The following AP2B1 variants were observed in gnomAD, a reference collection of about 807,000 sequenced individuals.
AP2B1 encodes the protein adaptor related protein complex 2 subunit beta 1.
In AP2B1, 23 loss-of-function variants were observed where a neutral mutation model predicts 102.0. The ratio of observed to expected loss-of-function variants is 0.23; its 90% CI spans 0.16 to 0.32. The LOEUF (loss-of-function observed/expected upper bound fraction) is 0.32, where lower values mean the gene tolerates loss of function less well. Among genes scored for constraint, AP2B1 ranks in the 10% least tolerant of loss-of-function variants. The pLI is 1.00. For synonymous variants in AP2B1, 381 were observed against 421.2 expected (o/e 0.90, Z 1.17); for missense variants, 541 against 1,157.4 (o/e 0.47, Z 7.73).
intron 13 of AP2B1, among the ~76,000 whole-genome samples, chr17:35,653,658 T>C (rs2142848968): frequency 6.6e-6 from 1 of 152,222 alleles, no homozygotes; most frequent in African/African-American, 2.4e-5. Flanking sequence ...GTACTTTTAG[T>C]AGAGGTAGGG....
At chr17:35,601,597 A>G (rs530262981) in intron 3 of AP2B1, among the ~76,000 whole-genome samples, 88 of 151,486 alleles carry the variant, frequency 5.8e-4, no homozygotes, top group African/African-American at 2.0e-3. Flanking sequence ...CACTTAGTTC[A>G]TCTATAAAAA....
At chr17:35,628,201 A>G (rs563663432) in intron 9 of AP2B1, among the ~76,000 whole-genome samples, 1 of 152,376 alleles carries the variant, frequency 6.6e-6, no homozygotes, top group African/African-American at 2.4e-5. Context: ...CAAATACTAT[A>G]CCATTTTATG....
intron 18 of AP2B1, among the ~76,000 whole-genome samples, 160 bp downstream of exon 18, chr17:35,682,984 G>C (rs1433649772): frequency 1.3e-5 from 2 of 150,882 alleles, no homozygotes; most frequent in East Asian, 4.0e-4. Context: ...TTCAAATGGT[G>C]CTCCTGCCTC....
rs990546615 is a variant in AP2B1, at chr17:35,648,876, T to A, written c.1537-1654T>A. Reference sequence around the variant, plus strand: ...GGATAATTGGGGGAGATTTTTTTTTTATGTCACACACTTAAAAATTGTGAT... The same window carrying A: ...GGATAATTGGGGGAGATTTTTTTTTAATGTCACACACTTAAAAATTGTGAT... On this transcript the variant is annotated intron_variant, in intron 12 of 21. Transcript: ENST00000610402. Among the ~76,000 whole-genome samples the A allele has an allele frequency of 2.6e-5, 4 of 152,054 alleles. No homozygotes were observed. In the East Asian group the frequency reaches 7.7e-4, roughly 29 times the overall value.
chr17:35,641,186 A>T (rs2074770039), intron 11 of AP2B1, among the ~76,000 whole-genome samples: 1 of 152,196 alleles, frequency 6.6e-6, no homozygotes, highest in African/African-American at 2.4e-5. Context: ...ATGATTCCAT[A>T]ATTCCCCCCA....
chr17:35,685,858 G>C (rs749765557), intron 18 of AP2B1, among the ~76,000 whole-genome samples: 1 of 151,980 alleles, frequency 6.6e-6, no homozygotes, highest in Non-Finnish European at 1.5e-5. Flanking sequence ...CGCCTCCCAG[G>C]TTCAAGCGAT....
chr17:35,721,392 C>T (rs1478723335), intron 21 of AP2B1, among the ~76,000 whole-genome samples: 1 of 152,126 alleles, frequency 6.6e-6, no homozygotes, highest in Non-Finnish European at 1.5e-5. Flanking sequence ...AGACATGTCA[C>T]ATAAGGAATT....
rs1397950983 is a variant in AP2B1, at chr17:35,718,311, GCTGT to G, written c.2781+963_2781+966del. 4.1e-5 allele frequency among the ~76,000 whole-genome samples: 5 copies of G among 123,286 alleles called. No homozygotes were observed. The Admixed American group carries it at 4.4e-4, about 11-fold the overall frequency. The allele number at this position is 123,286 out of a possible 152,430, so 80.9% of individuals were successfully genotyped here. On this transcript the variant is annotated intron_variant, in intron 21 of 21. Transcript: ENST00000610402. Reference sequence around the variant, plus strand: ...CCCATCCTTGTAGTAAGTTGGAGTAGCTGTGTGTGTGTGTGTGTGTGTGTGTGTG... The same window carrying G: ...CCCATCCTTGTAGTAAGTTGGAGTAGGTGTGTGTGTGTGTGTGTGTGTGTG...
chr17:35,615,109 C>T (rs187128050), intron 5 of AP2B1, among the ~76,000 whole-genome samples: 165 of 152,222 alleles, frequency 1.1e-3, no homozygotes, highest in Non-Finnish European at 1.3e-3. Flanking sequence ...GTTAATAATG[C>T]CAAGGTTGTG....
chr17:35,634,044 G>A (rs1165214546), intron 9 of AP2B1, among the ~76,000 whole-genome samples: 1 of 152,228 alleles, frequency 6.6e-6, no homozygotes, highest in East Asian at 1.9e-4. Context: ...CTACTCGGGA[G>A]GCTGAGGCAG....
chr17:35,610,146 A>ATTTTTTG (rs1016459653), intron 5 of AP2B1, among the ~76,000 whole-genome samples: 3 of 150,222 alleles, frequency 2.0e-5, no homozygotes, highest in Non-Finnish European at 4.4e-5. Flanking sequence ...CCTTTTATTT[A>ATTTTTTG]TTTTTTATTT....
intron 12 of AP2B1, among the ~76,000 whole-genome samples, chr17:35,647,794 C>A (rs2074976094): frequency 6.6e-6 from 1 of 152,106 alleles, no homozygotes; most frequent in South Asian, 2.1e-4. Flanking sequence ...ATCAATTCAT[C>A]TGCTCGCTTA....
At chr17:35,634,926 T>G (rs2074563210) in intron 9 of AP2B1, among the ~76,000 whole-genome samples, 1 of 152,230 alleles carries the variant, frequency 6.6e-6, no homozygotes, top group Non-Finnish European at 1.5e-5. Context: ...CTACGATGGC[T>G]TATTCTTCTT....
At chr17:35,664,781 C>T (rs1253463745) in intron 14 of AP2B1, among the ~76,000 whole-genome samples, 3 of 152,144 alleles carry the variant, frequency 2.0e-5, no homozygotes, top group Admixed American at 6.5e-5. Flanking sequence ...GATAAAGTAG[C>T]AAATGCTGTG....
At chr17:35,657,912 T>TC in intron 14 of AP2B1, 121 bp downstream of exon 14, 1 of 810,860 alleles carries the variant, frequency 1.2e-6, no homozygotes, top group Non-Finnish European at 1.9e-6. Flanking sequence ...TGTCCTTTGA[T>TC]AAAGGACAGG....
intron 11 of AP2B1, among the ~76,000 whole-genome samples, chr17:35,641,380 C>A (rs1388671527): frequency 6.6e-6 from 1 of 152,012 alleles, no homozygotes; most frequent in East Asian, 1.9e-4. Flanking sequence ...TGAGACCAGC[C>A]CTGGCAACAT....
chr17:35,719,197 A>G (rs1272665424), intron 21 of AP2B1, among the ~76,000 whole-genome samples: 2 of 152,218 alleles, frequency 1.3e-5, no homozygotes, highest in Admixed American at 1.3e-4. Flanking sequence ...AGGTATTAGT[A>G]CAATATAATA....
intron 19 of AP2B1, among the ~76,000 whole-genome samples, chr17:35,709,606 A>G (rs2143007703): frequency 6.6e-6 from 1 of 152,242 alleles, no homozygotes; most frequent in South Asian, 2.1e-4. Flanking sequence ...TCTGCTATTT[A>G]TTTGCTGTGT....
intron 12 of AP2B1, among the ~76,000 whole-genome samples, chr17:35,648,231 A>G (rs1182097717): frequency 1.3e-5 from 2 of 152,132 alleles, no homozygotes; most frequent in Non-Finnish European, 1.5e-5. Flanking sequence ...AAAGAAAACA[A>G]TAGGCCAGAC....
Sources: allele counts gnomAD v4.1 joint callset (sites outside exome capture counted in the v4.1 genomes callset), GRCh38; gene constraint gnomAD v4.1.1; transcripts MANE v1.5; gene names NCBI Gene and HGNC (gene_info 2026-07-23, HGNC 2026-07-21).